The following LRP11 variants were observed in gnomAD, a reference collection of about 807,000 sequenced individuals.
LRP11 encodes the protein LDL receptor related protein 11.
Under a neutral mutation model 43.1 loss-of-function variants are expected in LRP11, and 25 were observed. The ratio of observed to expected loss-of-function variants is 0.58; its 90% confidence interval spans 0.42 to 0.81. The LOEUF (loss-of-function observed/expected upper bound fraction) is 0.81, where lower values mean the gene tolerates loss of function less well. Among genes scored for constraint, LRP11 ranks in the 30% least tolerant of loss-of-function variants. The probability of loss-of-function intolerance (pLI) is 0.00; values close to 1 mark genes in which losing one functional copy is unlikely to be tolerated. For missense variants in LRP11, 623 were observed against 665.1 expected (o/e 0.94, Z 0.70); for synonymous variants, 316 against 299.4 (o/e 1.06, Z -0.57).
chr6:149,841,871 C>T (rs1031263026), intron 3 of LRP11, among the ~76,000 whole-genome samples: 1 of 151,962 alleles, frequency 6.6e-6, no homozygotes, highest in East Asian at 1.9e-4. Context: ...GAGACTGCAC[C>T]ACTGCACTCC....
At chr6:149,826,913 A>G (rs1156704615) in intron 5 of LRP11, among the ~76,000 whole-genome samples, 1 of 151,994 alleles carries the variant, frequency 6.6e-6, no homozygotes, top group African/African-American at 2.4e-5. Context: ...TTCTAATTTA[A>G]TGATATATTA....
At chr6:149,858,054 T>C (rs1369755214) in intron 1 of LRP11, among the ~76,000 whole-genome samples, 1 of 152,098 alleles carries the variant, frequency 6.6e-6, no homozygotes, top group Non-Finnish European at 1.5e-5. Flanking sequence ...TTTTTAATTA[T>C]TTTTTTATTA....
chr6:149,856,668 C>T (rs901079345), intron 1 of LRP11, among the ~76,000 whole-genome samples: 1 of 152,106 alleles, frequency 6.6e-6, no homozygotes, highest in Non-Finnish European at 1.5e-5. Context: ...CTTAGTAAGA[C>T]CTACAGAGGT....
rs1221598501 is a variant in LRP11, at chr6:149,827,460, A to G, written c.1253-1101T>C. Among the ~76,000 whole-genome samples the G allele has an allele frequency of 6.6e-6, 1 of 152,248 alleles. No homozygotes were observed. The highest frequency in any genetic ancestry group is 1.5e-5 in the Non-Finnish European group (1 of 68,042). Reference sequence around the variant, plus strand: ...GCATTTTGCAAATTTACTAAGTCACAAAGTTGGCCAGGTGCACTGGCTCAT... The same window carrying G: ...GCATTTTGCAAATTTACTAAGTCACGAAGTTGGCCAGGTGCACTGGCTCAT... On this transcript the variant is annotated intron_variant, in intron 5 of 6. Transcript: ENST00000239367. This position sits in a 1 kb window ranked among gnomAD's most constrained non-coding sequence, Gnocchi z 4.2.
chr6:149,859,396 A>ATATATATTTTTTTTTTTTTTTTTTT, intron 1 of LRP11, among the ~76,000 whole-genome samples: 4 of 71,496 alleles, frequency 5.6e-5, no homozygotes, highest in South Asian at 5.2e-4. Flanking sequence ...ATATATATAT[A>ATATATATTTTTTTTTTTTTTTTTTT]TTTTTTTTTT....
At chr6:149,831,660 G>T (rs956911670) in intron 5 of LRP11, among the ~76,000 whole-genome samples, 2 of 152,106 alleles carry the variant, frequency 1.3e-5, no homozygotes, top group African/African-American at 2.4e-5. Context: ...GGGACAATTG[G>T]GTCAAAGCAC....
In LRP11 at chr6:149,863,465, GGCTGTAGCT is replaced by G; in HGVS notation, c.547_555del (p.Ser183_Ser185del). The G allele has an allele frequency of 7.5e-7, 1 of 1,338,728 alleles. No homozygotes were observed. 82.9% of individuals were successfully genotyped at this position (1,338,728 alleles called of 1,614,324 possible). A position where few individuals can be genotyped will look rare whatever the true frequency, so the allele number is the denominator to read the frequency against. The stretch of plus-strand genomic sequence containing the variant: ...GCGGCGCCGTCCGGCGCGCGGCTGA[GGCTGTAGCT>G]GCTGTAGCCGCTGTGCAGCGCGAAC... On this transcript the variant is annotated inframe_deletion, in exon 1 of 7. Transcript: ENST00000239367.
At chr6:149,848,569 G>A (rs181110226) in intron 2 of LRP11, among the ~76,000 whole-genome samples, 3 of 152,300 alleles carry the variant, frequency 2.0e-5, no homozygotes, top group African/African-American at 7.2e-5. Context: ...ACAAGATCAT[G>A]TCCTTTGTAG....
In LRP11 at chr6:149,827,459, C is replaced by T. The variant is rs78773471; in HGVS notation, c.1253-1100G>A. 1.6e-3 allele frequency among the ~76,000 whole-genome samples: 241 copies of T among 152,332 alleles called. 1 individual carries two copies. Among genetic ancestry groups the T allele is most frequent in the African/African-American group, 5.4e-3 (226 of 41,572 alleles). On this transcript the variant is annotated intron_variant, in intron 5 of 6. Coordinates refer to ENST00000239367, the MANE Select transcript of LRP11 (RefSeq NM_032832.6). The surrounding 1 kb of genome is among the most constrained non-coding windows in gnomAD (Gnocchi z 4.2). The stretch of plus-strand genomic sequence containing the variant: ...TGCATTTTGCAAATTTACTAAGTCA[C>T]AAAGTTGGCCAGGTGCACTGGCTCA...
chr6:149,827,884 G>GCA lies in LRP11; in HGVS notation c.1253-1527_1253-1526dup, dbSNP rs1365029962. Among the ~76,000 whole-genome samples the GCA allele has an allele frequency of 6.6e-6, 1 of 152,160 alleles. No homozygotes were observed. The highest frequency in any genetic ancestry group is 1.5e-5 in the Non-Finnish European group (1 of 68,034). On this transcript the variant is annotated intron_variant, in intron 5 of 6. Transcript: ENST00000239367. The surrounding 1 kb of genome is among the most constrained non-coding windows in gnomAD (Gnocchi z 4.2). Reference sequence around the variant, plus strand: ...TTAAAATACAAAAAAAATTAGCCAGGCATGGTGGGCGCCTGTAGTCCCAGC... The same window carrying GCA: ...TTAAAATACAAAAAAAATTAGCCAGGCACATGGTGGGCGCCTGTAGTCCCAGC...
In LRP11 at chr6:149,820,609, T is replaced by G; in HGVS notation, c.1443A>C (p.Lys481Asn). 1.3e-6 allele frequency: 1 copy of G among 781,032 alleles called. No individual in the cohort carries two copies. Among genetic ancestry groups the G allele is most frequent in the Middle Eastern group, 2.3e-4 (1 of 4,438 alleles). The allele number at this position is 781,032 out of a possible 1,614,324, so 48.4% of individuals were successfully genotyped here. The part of the protein sequence containing the change: ...CRLRLVKQKL[K>N]KARPITSEES... ...CCTCAGATGTAATGGGACGAGCTTT[T>G]TTCAGTTTCTGTTTCACCAGTCGTA... is the stretch of plus-strand genomic sequence containing the variant. Residue 481 changes from lysine (K) to asparagine (N), a missense_variant, in exon 7 of 7, where the codon AAA (lysine) becomes AAC (asparagine). Coordinates refer to ENST00000239367, the MANE Select transcript of LRP11 (RefSeq NM_032832.6).
chr6:149,837,557 C>T (rs1776490417), intron 3 of LRP11, 94 bp from the exon 4 acceptor site: 2 of 1,308,656 alleles, frequency 1.5e-6, no homozygotes, highest in Non-Finnish European at 2.1e-6. Flanking sequence ...TGATAAAATG[C>T]ACTTCGGGGA....
intron 6 of LRP11, 60 bp from the exon 7 acceptor site, chr6:149,820,763 G>T: frequency 1.3e-6 from 1 of 769,288 alleles, no homozygotes; most frequent in Non-Finnish European, 2.4e-6. Context: ...GACAGCTACT[G>T]GTCACTATAT....
intron 2 of LRP11, among the ~76,000 whole-genome samples, chr6:149,849,318 AAT>A (rs1776685269): frequency 6.6e-6 from 1 of 152,212 alleles, no homozygotes; most frequent in Non-Finnish European, 1.5e-5. Flanking sequence ...TTGCCTGAAA[AAT>A]ATGTGTCATC....
Position 149,843,124 on chromosome 6 carries a change from C to G in LRP11, c.772G>C (p.Val258Leu). Residue 258 changes from valine (V) to leucine (L), a missense_variant and splice_region_variant, in exon 3 of 7, where the codon GTG (valine) becomes CTG (leucine). By Grantham distance (32) the Val-to-Leu change is conservative. Transcript: ENST00000239367. Reference protein sequence around the residue: ...LQGDPSVDMKVPQSGTLKLSH... With the variant: ...LQGDPSVDMKLPQSGTLKLSH... ...AGCTTCAGGGTTCCTGATTGAGGCA[C>G]CTGCCACACAGATGGGACACATCAC... is the stretch of plus-strand genomic sequence containing the variant. The G allele has an allele frequency of 6.2e-7, 1 of 1,614,114 alleles. No homozygotes were observed. Among genetic ancestry groups the G allele is most frequent in the East Asian group, 2.2e-5 (1 of 44,876 alleles).
At chr6:149,840,493 C>T (rs1319141350) in intron 3 of LRP11, among the ~76,000 whole-genome samples, 2 of 152,196 alleles carry the variant, frequency 1.3e-5, no homozygotes, top group Non-Finnish European at 2.9e-5. Flanking sequence ...TTACAGCTGG[C>T]AATTTACCTC....
At chr6:149,839,866 T>C (rs1180830676) in intron 3 of LRP11, among the ~76,000 whole-genome samples, 1 of 152,104 alleles carries the variant, frequency 6.6e-6, no homozygotes, top group African/African-American at 2.4e-5. Context: ...TGTACTAACA[T>C]GGGGTGTATC....
chr6:149,851,598 G>A (rs1446188863), intron 2 of LRP11, among the ~76,000 whole-genome samples: 7 of 152,218 alleles, frequency 4.6e-5, no homozygotes, highest in African/African-American at 1.7e-4. Context: ...CAACACCAAT[G>A]CACAGAAGTA....
At chr6:149,837,541 T>A (rs1776490207) in intron 3 of LRP11, 78 bp from the exon 4 acceptor site, 1 of 1,454,182 alleles carries the variant, frequency 6.9e-7, no homozygotes, top group Non-Finnish European at 9.4e-7. Flanking sequence ...GGGGAGTCCG[T>A]GGGGATGATA....
Sources: gnomAD v4.1 joint callset for allele counts (sites outside exome capture counted in the v4.1 genomes callset) on GRCh38, gnomAD v4.1.1 for gene constraint, Gnocchi (gnomAD v3.1) non-coding constraint, MANE v1.5 for transcripts, NCBI Gene and HGNC (gene_info 2026-07-23, HGNC 2026-07-21) for gene names.